Variants in NRG3 observed in about 807,000 individuals in gnomAD.
NRG3 encodes the protein pro-neuregulin-3, membrane-bound isoform.
Under a neutral mutation model 66.9 loss-of-function variants are expected in NRG3, and 31 were observed. The ratio of observed to expected loss-of-function variants is 0.46; its 90% CI spans 0.35 to 0.63. The LOEUF is 0.63. Among genes scored for constraint, NRG3 ranks in the 20% least tolerant of loss-of-function variants. The probability of loss-of-function intolerance (pLI) is 0.00; values close to 1 mark genes in which losing one functional copy is unlikely to be tolerated. For missense variants in NRG3, 910 were observed against 878.9 expected (o/e 1.04, Z -0.45); for synonymous variants, 393 against 359.4 (o/e 1.09, Z -1.06).
chr10:82,675,070 C>T (rs574751514), intron 2 of NRG3, among the ~76,000 whole-genome samples: 2 of 152,030 alleles, frequency 1.3e-5, no homozygotes, highest in African/African-American at 4.8e-5. Context: ...GCGATTCTTC[C>T]TCCCCAACCC....
rs561190677 is a variant in NRG3, at chr10:82,124,553, C to T, written c.824-234186C>T. ...CTACAGGGAGGGGAACGTCACACAA[C>T]GGGGCCTGTCGGGGGGTGGAGGGCA... On this transcript the variant is annotated intron_variant, in intron 1 of 8. Transcript: ENST00000372141. Among the ~76,000 whole-genome samples, 16 of 151,648 alleles carry T rather than the reference C, an allele frequency of 1.1e-4. 1 individual carries two copies. The highest frequency in any genetic ancestry group is 5.9e-4 in the East Asian group (3 of 5,122).
intron 1 of NRG3, among the ~76,000 whole-genome samples, chr10:82,346,917 T>G (rs1235942114): frequency 6.6e-6 from 1 of 152,016 alleles, no homozygotes; most frequent in Non-Finnish European, 1.5e-5. Context: ...TGATATCCCC[T>G]TTATCATTTT....
intron 3 of NRG3, among the ~76,000 whole-genome samples, chr10:82,753,243 T>A (rs1024280124): frequency 6.6e-6 from 1 of 152,172 alleles, no homozygotes; most frequent in African/African-American, 2.4e-5. Context: ...CTTTTTATGA[T>A]GAGTGACATG....
At chr10:82,190,622 G>T (rs1218819796) in intron 1 of NRG3, among the ~76,000 whole-genome samples, 2 of 152,286 alleles carry the variant, frequency 1.3e-5, no homozygotes, top group Admixed American at 6.5e-5. Context: ...TCACAGACAA[G>T]CTTTCCCACT....
intron 1 of NRG3, among the ~76,000 whole-genome samples, chr10:82,173,760 T>C (rs1425648858): frequency 6.6e-6 from 1 of 150,866 alleles, no homozygotes; most frequent in East Asian, 1.9e-4. Context: ...GATCAACACT[T>C]ACGTACACAT....
At position 82,987,075 on chromosome 10, in the gene NRG3, T is replaced by A. The variant is rs1853479456; in HGVS notation, c.*1470T>A. On this transcript the variant is annotated 3_prime_UTR_variant, in exon 9 of 9. Transcript: ENST00000372141. ...TTTACCCTCACTTTCATGGGACATA[T>A]GAGGAAATTAGTGTTCACATATCCA... The A allele has an allele frequency of 6.6e-6, 1 of 152,214 alleles. No individual in the cohort carries two copies. The allele number at this position is 152,214 out of a possible 1,614,324, so 9.4% of individuals were successfully genotyped here.
At chr10:82,435,697 A>G (rs1473575054) in intron 2 of NRG3, among the ~76,000 whole-genome samples, 1 of 149,618 alleles carries the variant, frequency 6.7e-6, no homozygotes, top group Non-Finnish European at 1.5e-5. Context: ...CCTTAATTTC[A>G]TTATTTACCC....
At chr10:82,326,179 T>G (rs1336882979) in intron 1 of NRG3, among the ~76,000 whole-genome samples, 1 of 152,198 alleles carries the variant, frequency 6.6e-6, no homozygotes, top group East Asian at 1.9e-4. Flanking sequence ...GATTAACTTT[T>G]TTGTTTTTGT....
chr10:81,893,090 A>T lies in NRG3; in HGVS notation c.823+16927A>T, dbSNP rs1026869923. Reference sequence around the variant, plus strand: ...TATTATTAAACAGAGGATTTTCACTATAGGAAATTAGAAAATATAAGTAAT... The same window carrying T: ...TATTATTAAACAGAGGATTTTCACTTTAGGAAATTAGAAAATATAAGTAAT... On this transcript the variant is annotated intron_variant, in intron 1 of 8. Coordinates refer to ENST00000372141, the MANE Select transcript of NRG3 (RefSeq NM_001010848.4). Among the ~76,000 whole-genome samples, 6 of 152,170 alleles carry T rather than the reference A, an allele frequency of 3.9e-5. 1 individual carries two copies. In the South Asian group the frequency reaches 1.2e-3, roughly 32 times the overall value.
At chr10:82,364,672 T>C (rs2084405251) in intron 2 of NRG3, among the ~76,000 whole-genome samples, 1 of 152,198 alleles carries the variant, frequency 6.6e-6, no homozygotes, top group Admixed American at 6.5e-5. Context: ...TCATTAAATG[T>C]TTCACCGGCC....
intron 2 of NRG3, among the ~76,000 whole-genome samples, chr10:82,386,626 T>C (rs1160311021): frequency 6.6e-6 from 1 of 152,166 alleles, no homozygotes; most frequent in Non-Finnish European, 1.5e-5. Context: ...TTGACCCATA[T>C]TGAAGATATT....
At chr10:82,101,858 C>T (rs1361982056) in intron 1 of NRG3, among the ~76,000 whole-genome samples, 2 of 150,712 alleles carry the variant, frequency 1.3e-5, no homozygotes, top group African/African-American at 4.9e-5. Flanking sequence ...TTCAAGTCTC[C>T]CATATTGTTG....
intron 2 of NRG3, among the ~76,000 whole-genome samples, chr10:82,415,078 G>A (rs1221516350): frequency 6.6e-6 from 1 of 152,120 alleles, no homozygotes; most frequent in Non-Finnish European, 1.5e-5. Context: ...CCATCATTTA[G>A]CCAAATTGAC....
At position 82,727,279 on chromosome 10, in the gene NRG3, C is replaced by T. The variant is rs183716504; in HGVS notation, c.954-11298C>T. 6.0e-4 allele frequency among the ~76,000 whole-genome samples: 91 copies of T among 152,310 alleles called. No individual in the cohort carries two copies. In the East Asian group the frequency reaches 0.014, roughly 23 times the overall value. On this transcript the variant is annotated intron_variant, in intron 2 of 8. Coordinates refer to ENST00000372141, the MANE Select transcript of NRG3 (RefSeq NM_001010848.4). ...TGGGGAAAATGTCTCCAAGGTATGT[C>T]GGAGATCTTCACGGCAGCCCCTCCC...
At chr10:82,119,527 C>T (rs1190045793) in intron 1 of NRG3, among the ~76,000 whole-genome samples, 1 of 152,080 alleles carries the variant, frequency 6.6e-6, no homozygotes, top group Non-Finnish European at 1.5e-5. Flanking sequence ...AACTTTATAG[C>T]CAGAAAGTGT....
At chr10:82,978,926 T>C (rs1436401759) in intron 7 of NRG3, 24 bp from the exon 8 acceptor site, 16 of 1,608,652 alleles carry the variant, frequency 9.9e-6, no homozygotes, top group African/African-American at 1.3e-5. Flanking sequence ...TGTTTGTTTG[T>C]CTGTTTTCAT....
In NRG3 at chr10:82,516,158, G is replaced by A. The variant is rs557206113; in HGVS notation, c.953+157290G>A. Among the ~76,000 whole-genome samples, 3 of 152,122 alleles carry A rather than the reference G, an allele frequency of 2.0e-5. 1 individual carries two copies. In the South Asian group the frequency reaches 6.2e-4, roughly 32 times the overall value. On this transcript the variant is annotated intron_variant, in intron 2 of 8. Transcript: ENST00000372141. ...TGGAACATTGTGTGTGTGTGTGTGT[G>A]TATGTGTGTGTATGTGCATGCACCT...
At chr10:82,092,839 T>G (rs2066108896) in intron 1 of NRG3, among the ~76,000 whole-genome samples, 1 of 152,196 alleles carries the variant, frequency 6.6e-6, no homozygotes, top group South Asian at 2.1e-4. Flanking sequence ...TGACACAAAC[T>G]ACTAAATTGG....
intron 1 of NRG3, among the ~76,000 whole-genome samples, chr10:82,116,807 C>A (rs895033211): frequency 6.6e-6 from 1 of 152,062 alleles, no homozygotes; most frequent in East Asian, 1.9e-4. Context: ...TCTTCCTGCC[C>A]GATTTATAGA....
Sources: gnomAD v4.1 joint callset for allele counts (sites outside exome capture counted in the v4.1 genomes callset) on GRCh38, gnomAD v4.1.1 for gene constraint, MANE v1.5 for transcripts, NCBI Gene and HGNC (gene_info 2026-07-23, HGNC 2026-07-21) for gene names.